Variants in ADNP2 observed in about 807,000 individuals in gnomAD.
ADNP2 encodes ADNP homeobox 2.
ADNP2 carries 8 observed loss-of-function variants against 16.4 expected under a neutral mutation model. That is an observed-to-expected ratio of 0.49 (90% CI 0.29 to 0.88). The LOEUF is 0.88. Ranked by LOEUF, ADNP2 falls within the 40% of genes least tolerant of loss-of-function variation. The pLI is 0.09. For synonymous variants in ADNP2, 637 were observed against 545.8 expected (o/e 1.17, Z -2.33); for missense variants, 1,397 against 1,395.1 (o/e 1.00, Z -0.02).
At position 80,138,172 on chromosome 18, in the gene ADNP2, G is replaced by A; in HGVS notation, c.2759G>A (p.Gly920Glu). 6.2e-7 allele frequency: 1 copy of A among 1,614,124 alleles called. No homozygotes were observed. The highest frequency in any genetic ancestry group is 2.2e-5 in the East Asian group (1 of 44,878). Residue 920 changes from glycine (G) to glutamate (E), a missense_variant, in exon 4 of 4, where the codon GGG (glycine) becomes GAG (glutamate). Gly to Glu is a moderately conservative substitution (Grantham distance 98). Transcript: ENST00000262198. The stretch of plus-strand genomic sequence containing the variant: ...GCCTTCAAGTGCATCCACTGCTGTG[G>A]GGTCTACACGGGAAATATGACCCTG... ...SPAFKCIHCC[G>E]VYTGNMTLAA...
intron 2 of ADNP2, among the ~76,000 whole-genome samples, chr18:80,129,543 G>T (rs1427901229): frequency 6.6e-6 from 1 of 152,136 alleles, no homozygotes; most frequent in South Asian, 2.1e-4. Context: ...CCTCCTTCCA[G>T]ATGTGTCTGG....
chr18:80,124,262 G>C (rs1007895494), intron 2 of ADNP2, among the ~76,000 whole-genome samples: 3 of 152,000 alleles, frequency 2.0e-5, no homozygotes, highest in African/African-American at 7.2e-5. Context: ...CTCTCTCTCT[G>C]TCTCATTTTT....
intron 1 of ADNP2, among the ~76,000 whole-genome samples, chr18:80,114,238 T>C (rs1445000557): frequency 1.3e-5 from 2 of 151,770 alleles, no homozygotes; most frequent in Non-Finnish European, 2.9e-5. Flanking sequence ...ATTGCCAAAT[T>C]ACCCTGTAAA....
In ADNP2 at chr18:80,139,701, G is replaced by A. The variant is rs182714020; in HGVS notation, c.*892G>A. On this transcript the variant is annotated 3_prime_UTR_variant, in exon 4 of 4. Transcript: ENST00000262198. ...TACTCATAAACTAGTGAAAGGGAAG[G>A]TCTATGATACTCAGGAATAAGATTA... 820 of 152,566 alleles carry A rather than the reference G, an allele frequency of 5.4e-3. 5 individuals carry two copies. The highest frequency in any genetic ancestry group is 0.012 in the Admixed American group (188 of 15,280). 9.5% of individuals were successfully genotyped at this position (152,566 alleles called of 1,614,324 possible).
intron 2 of ADNP2, among the ~76,000 whole-genome samples, chr18:80,126,184 A>G (rs1220312958): frequency 6.6e-6 from 1 of 152,068 alleles, no homozygotes; most frequent in Non-Finnish European, 1.5e-5. Flanking sequence ...CTTTCTTAAT[A>G]TACTACTACT....
In ADNP2 at chr18:80,135,622, C is replaced by G. The variant is rs1427442466; in HGVS notation, c.209C>G (p.Thr70Arg). 24 of 1,609,294 alleles carry G rather than the reference C, an allele frequency of 1.5e-5. No homozygotes were observed. Among genetic ancestry groups the G allele is most frequent in the Non-Finnish European group, 1.9e-5 (22 of 1,177,150 alleles). ...EPSGKKVRYRTKPYCCGLCKY... is the reference protein window; with the variant it reads ...EPSGKKVRYRRKPYCCGLCKY... ...CTTTTCTTTTAACAGAGATATCGAA[C>G]AAAGCCATACTGTTGTGGCCTCTGT... The change falls in exon 4 of 4, where the codon ACA (threonine) becomes AGA (arginine). Residue 70 changes from threonine to arginine, a missense_variant. By Grantham distance (71) the Thr-to-Arg change is moderately conservative (BLOSUM62 -1). Transcript: ENST00000262198.
At chr18:80,135,052 C>G (rs911712785) in intron 3 of ADNP2, among the ~76,000 whole-genome samples, 2 of 152,136 alleles carry the variant, frequency 1.3e-5, no homozygotes, top group African/African-American at 4.8e-5. Flanking sequence ...AAATAACTTT[C>G]TTTTGTAGAA....
chr18:80,118,773 C>T (rs901856646), intron 2 of ADNP2, among the ~76,000 whole-genome samples: 15 of 152,166 alleles, frequency 9.9e-5, no homozygotes, highest in South Asian at 6.2e-4. Context: ...AAGTTCTTCA[C>T]GGCTGTTTAC....
rs1208377196 is a variant in ADNP2 at position 80,139,045 on chromosome 18, T to TC, written c.*237dup. ...CAGAACAGTTGTTTTCAGGTTTTTT[T>TC]CTCTGTCATGTAAATGAAATCTTTT... is the stretch of plus-strand genomic sequence containing the variant. On this transcript the variant is annotated 3_prime_UTR_variant, in exon 4 of 4. Transcript: ENST00000262198. The TC allele has an allele frequency of 2.4e-5, 9 of 381,186 alleles. No homozygotes were observed. Among genetic ancestry groups the TC allele is most frequent in the South Asian group, 1.2e-4 (1 of 8,328 alleles). The allele number at this position is 381,186 out of a possible 1,614,324, so 23.6% of individuals were successfully genotyped here.
chr18:80,133,202 T>C lies in ADNP2; in HGVS notation c.198+10T>C, dbSNP rs778264048. On this transcript the variant is annotated intron_variant, in intron 3 of 3. Coordinates refer to ENST00000262198, the MANE Select transcript of ADNP2 (RefSeq NM_014913.4). ...TTCTGGAAAGAAAGTGGTATGTATT[T>C]TTTGCATTTGTTTTTCATGTTTCCT... The C allele has an allele frequency of 6.2e-7, 1 of 1,605,092 alleles. No homozygotes were observed. The highest frequency in any genetic ancestry group is 1.1e-5 in the South Asian group (1 of 90,922).
chr18:80,114,027 C>T (rs1489935869), intron 1 of ADNP2, among the ~76,000 whole-genome samples: 1 of 150,870 alleles, frequency 6.6e-6, no homozygotes, highest in Non-Finnish European at 1.5e-5. Flanking sequence ...CTGTCTCTAC[C>T]AAAAAATAAA....
In ADNP2 at chr18:80,138,475, G is replaced by A; in HGVS notation, c.3062G>A (p.Arg1021Lys). The A allele has an allele frequency of 1.2e-6, 2 of 1,614,076 alleles. No homozygotes were observed. The highest frequency in any genetic ancestry group is 4.5e-5 in the East Asian group (2 of 44,882). Reference protein sequence around the residue: ...VTSVVPFKRQRNESRTEGPIV... With the variant: ...VTSVVPFKRQKNESRTEGPIV... ...AGTGTTGTGCCTTTTAAAAGACAAA[G>A]GAATGAAAGCAGAACAGAGGGACCT... The change falls in exon 4 of 4, where the codon AGG becomes AAG. Residue 1021 changes from arginine to lysine, a missense_variant. Physicochemically the swap from Arg to Lys is conservative, Grantham distance 26 (BLOSUM62 2). Transcript: ENST00000262198.
At chr18:80,111,890 C>T (rs1183136118) in intron 1 of ADNP2, among the ~76,000 whole-genome samples, 3 of 151,920 alleles carry the variant, frequency 2.0e-5, no homozygotes, top group Non-Finnish European at 4.4e-5. Context: ...ATAGAATATC[C>T]TTACGAGATC....
chr18:80,123,195 T>C (rs1311767601), intron 2 of ADNP2, among the ~76,000 whole-genome samples: 1 of 152,228 alleles, frequency 6.6e-6, no homozygotes, highest in Non-Finnish European at 1.5e-5. Context: ...GGTGTATAAT[T>C]GTTTTAATAC....
At chr18:80,120,235 C>T (rs888858564) in intron 2 of ADNP2, among the ~76,000 whole-genome samples, 12 of 152,150 alleles carry the variant, frequency 7.9e-5, no homozygotes, top group South Asian at 2.1e-4. Flanking sequence ...TAAGAATTCA[C>T]GATGGTTACC....
chr18:80,124,733 C>G (rs1234076774), intron 2 of ADNP2, among the ~76,000 whole-genome samples: 2 of 152,150 alleles, frequency 1.3e-5, no homozygotes, highest in African/African-American at 4.8e-5. Flanking sequence ...TGATAAGCCC[C>G]CATCCTGAAG....
At chr18:80,124,862 G>A (rs962385065) in intron 2 of ADNP2, among the ~76,000 whole-genome samples, 7 of 152,048 alleles carry the variant, frequency 4.6e-5, no homozygotes, top group Non-Finnish European at 7.4e-5. Flanking sequence ...TTATTTTCTT[G>A]TTTCTGTGTC....
chr18:80,135,228 G>C (rs1244468538), intron 3 of ADNP2, among the ~76,000 whole-genome samples: 1 of 152,210 alleles, frequency 6.6e-6, no homozygotes, highest in East Asian at 1.9e-4. Flanking sequence ...CCATGAGCTA[G>C]GAGTGGTTGT....
At chr18:80,126,358 T>C (rs755501033) in intron 2 of ADNP2, among the ~76,000 whole-genome samples, 3 of 152,194 alleles carry the variant, frequency 2.0e-5, no homozygotes, top group Non-Finnish European at 4.4e-5. Flanking sequence ...TTGATCTACA[T>C]GTCATTGATG....
Sources: allele counts gnomAD v4.1 joint callset (sites outside exome capture counted in the v4.1 genomes callset), GRCh38; gene constraint gnomAD v4.1.1; transcripts MANE v1.5; gene names NCBI Gene and HGNC (gene_info 2026-07-23, HGNC 2026-07-21).